THSD7A: variants seen among roughly 807,000 people sequenced by gnomAD.
THSD7A encodes the protein thrombospondin type 1 domain containing 7A.
THSD7A carries 96 observed loss-of-function variants against 231.3 expected under a neutral mutation model. That is an observed-to-expected ratio of 0.41 (90% confidence interval 0.35 to 0.49). The LOEUF (loss-of-function observed/expected upper bound fraction) is 0.49. Ranked by LOEUF, THSD7A falls within the 20% of genes least tolerant of loss-of-function variation. The probability of loss-of-function intolerance (pLI) is 0.05; values close to 1 mark genes in which losing one functional copy is unlikely to be tolerated. For synonymous variants in THSD7A, 940 were observed against 743.3 expected, an observed-to-expected ratio of 1.26 and a Z score of -4.30; for missense variants, 2,290 against 2,070.2, an observed-to-expected ratio of 1.11 and a Z score of -2.06.
chr7:11,769,149 A>ATTTT (rs1245740094), intron 1 of THSD7A, among the ~76,000 whole-genome samples: 1 of 36,306 alleles, frequency 2.8e-5, no homozygotes, highest in African/African-American at 8.1e-5. Context: ...ATATATATAT[A>ATTTT]TATATTTTTT....
intron 4 of THSD7A, among the ~76,000 whole-genome samples, chr7:11,559,247 T>C (rs1471535932): frequency 6.6e-6 from 1 of 152,160 alleles, no homozygotes; most frequent in Non-Finnish European, 1.5e-5. Context: ...GATTTTAGCT[T>C]GGAGAGATGC....
chr7:11,820,567 T>A (rs1784844990), intron 1 of THSD7A: 1 of 719,900 alleles, frequency 1.4e-6, no homozygotes, highest in Non-Finnish European at 2.4e-6. Context: ...TTACTCTTGT[T>A]ATTGTTCCCA....
At chr7:11,546,173 C>T (rs1789374313) in intron 4 of THSD7A, among the ~76,000 whole-genome samples, 1 of 121,366 alleles carries the variant, frequency 8.2e-6, no homozygotes, top group Admixed American at 8.1e-5. Context: ...CACCCTGTTG[C>T]TGCTCTGTTG....
At chr7:11,738,455 T>C (rs1245149315) in intron 1 of THSD7A, among the ~76,000 whole-genome samples, 1 of 151,994 alleles carries the variant, frequency 6.6e-6, no homozygotes, top group Non-Finnish European at 1.5e-5. Flanking sequence ...AGAATATAGG[T>C]AAGATAGTGC....
chr7:11,552,378 T>C (rs1789668092), intron 4 of THSD7A, among the ~76,000 whole-genome samples: 1 of 151,938 alleles, frequency 6.6e-6, no homozygotes, highest in Non-Finnish European at 1.5e-5. Flanking sequence ...AGGAAACAGG[T>C]TAAAACATTG....
intron 1 of THSD7A, among the ~76,000 whole-genome samples, chr7:11,785,443 C>T (rs1232334881): frequency 6.6e-6 from 1 of 152,040 alleles, no homozygotes. Context: ...GAACTCAATC[C>T]TACTTTTCAT....
rs571772347 is a variant in THSD7A at position 11,696,846 on chromosome 7, T to C, written c.191-59885A>G. Among the ~76,000 whole-genome samples, 465 of 151,564 alleles carry C rather than the reference T, an allele frequency of 3.1e-3. 5 individuals carry two copies. Among genetic ancestry groups the C allele is most frequent in the Non-Finnish European group, 3.3e-3 (226 of 67,626 alleles). On this transcript the variant is annotated intron_variant, in intron 1 of 27. Transcript: ENST00000423059. ...AATGACTGAATAGAGTAAGTAGTAA[T>C]GTAATATAGAAAGAACATATCTATA...
intron 1 of THSD7A, among the ~76,000 whole-genome samples, chr7:11,649,366 T>C (rs908153432): frequency 6.6e-6 from 1 of 152,006 alleles, no homozygotes; most frequent in African/African-American, 2.4e-5. Flanking sequence ...GTACCTGAAT[T>C]TCTGATGCAA....
chr7:11,463,925 T>G (rs1277532162), intron 9 of THSD7A, among the ~76,000 whole-genome samples: 1 of 152,142 alleles, frequency 6.6e-6, no homozygotes, highest in Non-Finnish European at 1.5e-5. Context: ...TAGGGAAAAT[T>G]CTGTCTCCCT....
intron 1 of THSD7A, among the ~76,000 whole-genome samples, chr7:11,752,608 T>G (rs879330533): frequency 6.6e-6 from 1 of 152,052 alleles, no homozygotes; most frequent in Non-Finnish European, 1.5e-5. Flanking sequence ...CTAGGGCTAA[T>G]GATTCAACGT....
intron 8 of THSD7A, among the ~76,000 whole-genome samples, chr7:11,471,348 T>G (rs1241916633): frequency 3.3e-5 from 5 of 152,012 alleles, no homozygotes; most frequent in Non-Finnish European, 1.5e-5. Flanking sequence ...ATTTTGTAGC[T>G]CAAGTTTGTC....
At chr7:11,523,336 A>C (rs924590160) in intron 6 of THSD7A, among the ~76,000 whole-genome samples, 4 of 152,088 alleles carry the variant, frequency 2.6e-5, no homozygotes, top group Non-Finnish European at 5.9e-5. Context: ...AATACAAGTA[A>C]TGGCAAAAAT....
intron 1 of THSD7A, among the ~76,000 whole-genome samples, chr7:11,734,630 TTCTG>T (rs1232942995): frequency 6.6e-6 from 1 of 151,992 alleles, no homozygotes; most frequent in Non-Finnish European, 1.5e-5. Flanking sequence ...TTCTTTTGTT[TTCTG>T]TCTTAGAACA....
At position 11,379,683 on chromosome 7, in the gene THSD7A, C is replaced by G. The variant is rs1562561480; in HGVS notation, c.4537G>C (p.Ala1513Pro). 1.3e-6 allele frequency: 2 copies of G among 1,593,150 alleles called. No homozygotes were observed. Among genetic ancestry groups the G allele is most frequent in the Non-Finnish European group, 8.6e-7 (1 of 1,168,966 alleles). Residue 1513 changes from alanine to proline, a missense_variant, in exon 25 of 28, where the codon GCC becomes CCC. Physicochemically the swap from Ala to Pro is conservative, Grantham distance 27 (BLOSUM62 -1). Coordinates refer to ENST00000423059, the MANE Select transcript of THSD7A (RefSeq NM_015204.3). ...GGCLVMSQPDADRSCNPPCSQ... is the reference protein window; with the variant it reads ...GGCLVMSQPDPDRSCNPPCSQ... The stretch of plus-strand genomic sequence containing the variant: ...CACGGTGGGTTACAAGACCTGTCGG[C>G]ATCAGGCTGGCTCATCACCAAGCAG...
Position 11,636,498 on chromosome 7 carries a change from C to A in THSD7A, c.654G>T (p.Thr218=). Residue 218 remains threonine (T), a synonymous_variant, in exon 2 of 28, where the codon ACG becomes ACT. Coordinates refer to ENST00000423059, the MANE Select transcript of THSD7A (RefSeq NM_015204.3). The surrounding 1 kb of genome is among the most constrained non-coding windows in gnomAD (Gnocchi z 10.0). The part of the protein sequence containing the change: ...KTCGSGLQHR[T]RHVVAPPQFG... ...ACTGCGGGGGCGCCACCACATGACG[C>A]GTCCGGTGCTGGAGCCCGCTGCCGC... 1 of 1,613,826 alleles carries A rather than the reference C, an allele frequency of 6.2e-7. No homozygotes were observed. The highest frequency in any genetic ancestry group is 8.5e-7 in the Non-Finnish European group (1 of 1,179,858).
chr7:11,778,344 G>T (rs1783506835), intron 1 of THSD7A, among the ~76,000 whole-genome samples: 1 of 151,772 alleles, frequency 6.6e-6, no homozygotes, highest in South Asian at 2.1e-4. Context: ...CAAAAACAAA[G>T]CCATTAATTG....
intron 24 of THSD7A, among the ~76,000 whole-genome samples, chr7:11,380,250 A>G (rs560788707): frequency 1.6e-4 from 25 of 152,246 alleles, no homozygotes; most frequent in Admixed American, 5.2e-4. Flanking sequence ...GTATCTACGA[A>G]ATCATTTGTT....
intron 2 of THSD7A, among the ~76,000 whole-genome samples, chr7:11,596,207 G>A (rs1780352110): frequency 6.6e-6 from 1 of 152,132 alleles, no homozygotes; most frequent in African/African-American, 2.4e-5. Flanking sequence ...CCTTCCCCAA[G>A]GAAACCTCTG....
intron 6 of THSD7A, among the ~76,000 whole-genome samples, chr7:11,490,877 A>G (rs1786862884): frequency 1.3e-5 from 2 of 152,112 alleles, no homozygotes; most frequent in Admixed American, 1.3e-4. Flanking sequence ...TACTTATGGT[A>G]TTCCCATTCA....
Sources: allele counts gnomAD v4.1 joint callset (sites outside exome capture counted in the v4.1 genomes callset), GRCh38; gene constraint gnomAD v4.1.1; non-coding constraint Gnocchi (gnomAD v3.1); transcripts MANE v1.5; gene names NCBI Gene and HGNC (gene_info 2026-07-23, HGNC 2026-07-21).